The following AFF1 variants were observed in gnomAD, a reference collection of about 807,000 sequenced individuals.
AFF1 encodes the protein ALF transcription elongation factor 1, also known as AF4/FMR2 family member 1.
In AFF1, 48 loss-of-function variants were observed where a neutral mutation model predicts 121.7. The observed-to-expected ratio is 0.39, with a 90% CI of 0.31 to 0.50. The LOEUF is 0.50. AFF1 is among the 20% of genes least tolerant of loss of function. The pLI is 0.76. For synonymous variants in AFF1, 613 were observed against 563.0 expected (o/e 1.09, Z -1.26); for missense variants, 1,523 against 1,511.7 (o/e 1.01, Z -0.12).
chr4:87,059,018 T>C (rs192521935), intron 4 of AFF1, among the ~76,000 whole-genome samples: 1 of 152,328 alleles, frequency 6.6e-6, no homozygotes, highest in East Asian at 1.9e-4. Context: ...TCTACCTTTT[T>C]GTACGTGCCT....
intron 2 of AFF1, among the ~76,000 whole-genome samples, chr4:86,993,696 G>A (rs1724897922): frequency 6.6e-6 from 1 of 152,170 alleles, no homozygotes; most frequent in Admixed American, 6.5e-5. Context: ...TGGGCATGGT[G>A]GCTCATGCCT....
At chr4:86,970,993 GAA>G (rs1277438792) in intron 2 of AFF1, among the ~76,000 whole-genome samples, 2 of 152,132 alleles carry the variant, frequency 1.3e-5, no homozygotes, top group Non-Finnish European at 2.9e-5. Flanking sequence ...GAGTGAGAGA[GAA>G]AGCCATTTGA....
At chr4:87,110,441 TTTTTGTTTTG>T (rs70957206) in intron 11 of AFF1, among the ~76,000 whole-genome samples, 74,400 of 143,788 alleles carry the variant, frequency 0.52, 19,473 homozygotes, top group Middle Eastern at 0.63. Flanking sequence ...TGTTCTGGTT[TTTTTGTTTTG>T]TTTTGTTTTG....
intron 2 of AFF1, among the ~76,000 whole-genome samples, chr4:86,981,662 C>A (rs1723769874): frequency 6.6e-6 from 1 of 152,124 alleles, no homozygotes; most frequent in Admixed American, 6.6e-5. Flanking sequence ...GAGCCAGGAC[C>A]CCTGGCCTAG....
At chr4:86,984,450 A>C (rs768798423) in intron 2 of AFF1, among the ~76,000 whole-genome samples, 6 of 151,364 alleles carry the variant, frequency 4.0e-5, no homozygotes, top group Non-Finnish European at 7.4e-5. Context: ...CAGCCTCCCG[A>C]GTAGCTGAGA....
intron 2 of AFF1, among the ~76,000 whole-genome samples, chr4:86,953,855 C>T (rs540124733): frequency 2.0e-5 from 3 of 147,078 alleles, no homozygotes; most frequent in East Asian, 1.9e-4. Context: ...GAGTAGCTGG[C>T]GCACCACCAC....
At chr4:86,988,208 G>A (rs1011187439) in intron 2 of AFF1, among the ~76,000 whole-genome samples, 3 of 152,014 alleles carry the variant, frequency 2.0e-5, no homozygotes, top group Admixed American at 6.6e-5. Flanking sequence ...TCTTGCAACT[G>A]CTTTGAGATA....
chr4:86,984,331 C>CTTT (rs1350597456), intron 2 of AFF1, among the ~76,000 whole-genome samples: 11 of 126,204 alleles, frequency 8.7e-5, no homozygotes, highest in Non-Finnish European at 1.2e-4. Context: ...ATTTTTTTTT[C>CTTT]TTTTTTTTTT....
chr4:87,060,315 C>T (rs1720606595), intron 4 of AFF1, among the ~76,000 whole-genome samples: 1 of 152,046 alleles, frequency 6.6e-6, no homozygotes, highest in South Asian at 2.1e-4. Context: ...TATATAGGTG[C>T]TTTCTTTTGT....
chr4:87,127,613 G>A lies in AFF1; in HGVS notation c.2904-30G>A. 3 of 1,613,448 alleles carry A rather than the reference G, an allele frequency of 1.9e-6. No homozygotes were observed. The African/African-American group carries it at 4.0e-5, about 22-fold the overall frequency. On this transcript the variant is annotated intron_variant, in intron 15 of 20. Transcript: ENST00000395146. ...TAGTCTAGTAATTTTTGGCTCATAT[G>A]ACCTGTCCCTGGTTTTTCCTCTTTT...
chr4:87,105,933 A>AT (rs1187520711), intron 10 of AFF1, 88 bp downstream of exon 10: 5 of 1,493,924 alleles, frequency 3.3e-6, no homozygotes, highest in Non-Finnish European at 3.7e-6. Flanking sequence ...GTACTTTCAC[A>AT]TTTTTTGTCA....
chr4:87,099,567 C>A (rs1190517232), intron 8 of AFF1, among the ~76,000 whole-genome samples: 1 of 152,178 alleles, frequency 6.6e-6, no homozygotes, highest in Admixed American at 6.5e-5. Context: ...CACCACCATA[C>A]CTGGCTAATT....
chr4:86,990,734 G>C lies in AFF1; in HGVS notation c.38+42163G>C, dbSNP rs375745093. On this transcript the variant is annotated intron_variant, in intron 2 of 20. Transcript: ENST00000395146. Reference sequence around the variant, plus strand: ...GCTGCCCCAAATGGTGTGTTTCCCAGGAACTTGATTCAACTCTGAGAATAA... The same window carrying C: ...GCTGCCCCAAATGGTGTGTTTCCCACGAACTTGATTCAACTCTGAGAATAA... 7.0e-4 allele frequency among the ~76,000 whole-genome samples: 106 copies of C among 152,320 alleles called. 1 individual carries two copies. In the South Asian group the frequency reaches 0.022, roughly 31 times the overall value.
At position 87,125,054 on chromosome 4, in the gene AFF1, C is replaced by T. The variant is rs1283806975; in HGVS notation, c.2484C>T (p.Asp828=). 2 of 1,605,926 alleles carry T rather than the reference C, an allele frequency of 1.2e-6. No homozygotes were observed. Among genetic ancestry groups the T allele is most frequent in the African/African-American group, 2.7e-5 (2 of 74,746 alleles). ...AKKRKGEAER[D]CDNKKIRLEK... is the part of the protein sequence containing the mutation. Reference sequence around the variant, plus strand: ...TGTAATAGGGTGAAGCAGAAAGAGACTGTGATAACAAGAAAATCAGACTGG... The same window carrying T: ...TGTAATAGGGTGAAGCAGAAAGAGATTGTGATAACAAGAAAATCAGACTGG... Residue 828 remains aspartate, a synonymous_variant, in exon 13 of 21, where the codon GAC becomes GAT. Coordinates refer to ENST00000395146, the MANE Select transcript of AFF1 (RefSeq NM_001166693.3).
intron 2 of AFF1, among the ~76,000 whole-genome samples, chr4:86,972,775 A>G (rs1211997805): frequency 1.3e-5 from 2 of 152,106 alleles, no homozygotes; most frequent in Non-Finnish European, 2.9e-5. Flanking sequence ...CCTGGCCTCA[A>G]GTGATCTGCC....
At chr4:87,097,450 G>A (rs1182784293) in intron 8 of AFF1, among the ~76,000 whole-genome samples, 1 of 152,232 alleles carries the variant, frequency 6.6e-6, no homozygotes, top group Non-Finnish European at 1.5e-5. Flanking sequence ...AGTGAAATGA[G>A]TGGTTTTCTT....
intron 4 of AFF1, among the ~76,000 whole-genome samples, chr4:87,068,257 G>GCCCCCCCCCCCCC (rs70957204): frequency 6.7e-5 from 8 of 120,126 alleles, no homozygotes; most frequent in Admixed American, 1.8e-4. Flanking sequence ...CATGAAAATT[G>GCCCCCCCCCCCCC]CCCCCCCCCC....
At position 87,085,132 on chromosome 4, in the gene AFF1, C is replaced by A. The variant is rs557729155; in HGVS notation, c.1104+968C>A. Among the ~76,000 whole-genome samples, 7 of 152,344 alleles carry A rather than the reference C, an allele frequency of 4.6e-5. No homozygotes were observed. The South Asian group carries it at 1.4e-3, about 32-fold the overall frequency. ...AATATGTCATTGAATACATTACCCA[C>A]TTGTTCAATTTTTCTTGTACAAGGA... On this transcript the variant is annotated intron_variant, in intron 5 of 20. Transcript: ENST00000395146.
intron 4 of AFF1, among the ~76,000 whole-genome samples, chr4:87,073,066 T>TAA (rs539470714): frequency 7.3e-6 from 1 of 137,906 alleles, no homozygotes; most frequent in Non-Finnish European, 1.6e-5. Context: ...TAGTAAGCCT[T>TAA]AAAAAAAAAA....
Sources: gnomAD v4.1 joint callset for allele counts (sites outside exome capture counted in the v4.1 genomes callset) on GRCh38, gnomAD v4.1.1 for gene constraint, MANE v1.5 for transcripts, NCBI Gene and HGNC (gene_info 2026-07-23, HGNC 2026-07-21) for gene names.